SEMA3A: variants seen among roughly 807,000 people sequenced by gnomAD.
SEMA3A encodes the protein semaphorin-3A.
SEMA3A carries 29 observed loss-of-function variants against 97.9 expected under a neutral mutation model. The observed-to-expected ratio is 0.30, with a 90% CI of 0.22 to 0.40. The LOEUF is 0.40. Among genes scored for constraint, SEMA3A ranks in the 10% least tolerant of loss-of-function variants. SEMA3A has a pLI of 1.00. For missense variants in SEMA3A, 763 were observed against 951.3 expected (o/e 0.80, Z 2.60); for synonymous variants, 321 against 323.7 (o/e 0.99, Z 0.09).
chr7:83,982,304 C>T (rs948259594), intron 13 of SEMA3A, among the ~76,000 whole-genome samples: 2 of 152,082 alleles, frequency 1.3e-5, no homozygotes, highest in African/African-American at 2.4e-5. Flanking sequence ...AAACATTCTA[C>T]AATGCATTTA....
rs1325867884 is a variant in SEMA3A at position 83,958,462 on chromosome 7, A to C, written c.*2909T>G. The stretch of plus-strand genomic sequence containing the variant: ...AGTTCCCATCTGAAATGCAATGATA[A>C]GTAAAGATATGGAACATATTTCCTA... On this transcript the variant is annotated 3_prime_UTR_variant, in exon 17 of 17. Transcript: ENST00000265362. 6.6e-6 allele frequency: 1 copy of C among 152,526 alleles called. No individual in the cohort carries two copies. The highest frequency in any genetic ancestry group is 6.6e-5 in the Admixed American group (1 of 15,264). 9.4% of individuals were successfully genotyped at this position (152,526 alleles called of 1,614,324 possible).
At chr7:84,067,855 G>A in intron 4 of SEMA3A, among the ~76,000 whole-genome samples, 1 of 150,070 alleles carries the variant, frequency 6.7e-6, no homozygotes, top group Non-Finnish European at 1.5e-5. Flanking sequence ...CATTGTGGAA[G>A]TCAGTGTGGC....
chr7:84,405,559 C>A (rs1485009924), intron 1 of SEMA3A, among the ~76,000 whole-genome samples: 4 of 152,200 alleles, frequency 2.6e-5, no homozygotes, highest in Non-Finnish European at 5.9e-5. Flanking sequence ...TAGACATCTA[C>A]AGAACTCTCC....
At chr7:84,422,676 A>C (rs1206020236) in intron 1 of SEMA3A, among the ~76,000 whole-genome samples, 2 of 152,042 alleles carry the variant, frequency 1.3e-5, no homozygotes, top group Non-Finnish European at 2.9e-5. Context: ...CCTTCTACAC[A>C]CTGCTTTAGC....
upstream of SEMA3A, chr7:84,195,359 C>T (rs1798196849): frequency 6.6e-6 from 1 of 152,166 alleles, no homozygotes; most frequent in African/African-American, 2.4e-5. Context: ...AATTCTGCTA[C>T]CTACAAAATT....
chr7:84,084,516 C>G (rs1199253929), intron 4 of SEMA3A, among the ~76,000 whole-genome samples: 1 of 146,144 alleles, frequency 6.8e-6, no homozygotes, highest in Non-Finnish European at 1.5e-5. Flanking sequence ...GTTCGACAGA[C>G]TGTAAATTGA....
intron 1 of SEMA3A, among the ~76,000 whole-genome samples, chr7:84,170,347 A>G (rs541741847): frequency 3.3e-5 from 5 of 152,148 alleles, no homozygotes; most frequent in South Asian, 2.1e-4. Context: ...AGCTACTGCA[A>G]TTTCTCAAGG....
intron 4 of SEMA3A, among the ~76,000 whole-genome samples, chr7:84,091,068 C>G (rs1431659367): frequency 7.2e-6 from 1 of 138,790 alleles, no homozygotes; most frequent in Non-Finnish European, 1.5e-5. Context: ...GAGTGAGACT[C>G]CAACTCAAAA....
chr7:84,078,734 AAT>A (rs532884586), intron 4 of SEMA3A, among the ~76,000 whole-genome samples: 5 of 151,898 alleles, frequency 3.3e-5, no homozygotes, highest in Non-Finnish European at 7.4e-5. Flanking sequence ...GTAATTATGT[AAT>A]ATATATGTTA....
chr7:84,354,368 G>C (rs561062181), intron 2 of SEMA3A, among the ~76,000 whole-genome samples: 164 of 151,562 alleles, frequency 1.1e-3, no homozygotes, highest in Non-Finnish European at 2.0e-3. Flanking sequence ...CAACAGATAT[G>C]GTGTTTTCAA....
At chr7:83,972,467 C>G (rs1308476724) in intron 15 of SEMA3A, among the ~76,000 whole-genome samples, 6 of 151,932 alleles carry the variant, frequency 3.9e-5, no homozygotes, top group African/African-American at 1.4e-4. Flanking sequence ...CAAAAGAAAG[C>G]ACAAATAATC....
chr7:84,320,828 T>C (rs541217965), intron 2 of SEMA3A, among the ~76,000 whole-genome samples: 1 of 152,148 alleles, frequency 6.6e-6, no homozygotes, highest in African/African-American at 2.4e-5. Flanking sequence ...CTAGTGCAGG[T>C]TGTCTAATCT....
At chr7:84,437,317 T>A in intron 1 of SEMA3A, among the ~76,000 whole-genome samples, 1 of 152,116 alleles carries the variant, frequency 6.6e-6, no homozygotes, top group African/African-American at 2.4e-5. Context: ...GTAATTAGTT[T>A]TATTGCTAGT....
chr7:84,090,660 A>G (rs1276463162), intron 4 of SEMA3A, among the ~76,000 whole-genome samples: 1 of 152,214 alleles, frequency 6.6e-6, no homozygotes, highest in African/African-American at 2.4e-5. Context: ...ATATTATTTA[A>G]TATTGATAAT....
At chr7:84,410,902 T>C (rs184516763) in intron 1 of SEMA3A, among the ~76,000 whole-genome samples, 99 of 152,264 alleles carry the variant, frequency 6.5e-4, no homozygotes, top group Non-Finnish European at 2.5e-4. Flanking sequence ...AGCTTTATAC[T>C]GACACAGTGA....
At chr7:83,995,001 C>T (rs145123911) in intron 12 of SEMA3A, among the ~76,000 whole-genome samples, 43,276 of 151,932 alleles carry the variant, frequency 0.28, 7,062 homozygotes, top group East Asian at 0.62. Context: ...GAGCCATGTG[C>T]GGGATATAAT....
At chr7:84,353,586 G>A (rs1226253344) in intron 2 of SEMA3A, among the ~76,000 whole-genome samples, 1 of 151,528 alleles carries the variant, frequency 6.6e-6, no homozygotes, top group Non-Finnish European at 1.5e-5. Flanking sequence ...CAGATATAAA[G>A]GTTCAGATGG....
At chr7:84,282,777 G>T (rs969657067) in intron 3 of SEMA3A, among the ~76,000 whole-genome samples, 29 of 152,116 alleles carry the variant, frequency 1.9e-4, no homozygotes, top group Non-Finnish European at 3.4e-4. Context: ...ACTTTGGGAG[G>T]CCAAGGTGGG....
intron 2 of SEMA3A, among the ~76,000 whole-genome samples, chr7:84,342,646 CAT>C (rs1433522045): frequency 6.6e-6 from 1 of 152,178 alleles, no homozygotes; most frequent in Non-Finnish European, 1.5e-5. Context: ...AAATTTTCCA[CAT>C]CTCTTGAACA....
Sources: allele counts gnomAD v4.1 joint callset (sites outside exome capture counted in the v4.1 genomes callset), GRCh38; gene constraint gnomAD v4.1.1; transcripts MANE v1.5; gene names NCBI Gene and HGNC (gene_info 2026-07-23, HGNC 2026-07-21).